Variants in GABRG3 observed in about 807,000 individuals in gnomAD.
The protein encoded by GABRG3 is gamma-aminobutyric acid receptor subunit gamma-3.
Under a neutral mutation model 48.8 loss-of-function variants are expected in GABRG3, and 25 were observed. The observed-to-expected ratio is 0.51, with a 90% confidence interval of 0.37 to 0.72. The LOEUF (loss-of-function observed/expected upper bound fraction) is 0.72, where lower values mean the gene tolerates loss of function less well. GABRG3 is among the 30% of genes least tolerant of loss of function. The pLI, the probability that GABRG3 is intolerant of heterozygous loss-of-function variation, is 0.00. For missense variants in GABRG3, 394 were observed against 577.9 expected (o/e 0.68, Z 3.26); for synonymous variants, 227 against 217.6 (o/e 1.04, Z -0.38).
chr15:27,408,555 C>T (rs1200718849), intron 5 of GABRG3, among the ~76,000 whole-genome samples: 2 of 152,102 alleles, frequency 1.3e-5, no homozygotes, highest in Admixed American at 6.5e-5. Context: ...CACAAGCAAA[C>T]CCCGGGACCA....
chr15:26,987,009 GCA>G (rs1168450728), intron 2 of GABRG3, among the ~76,000 whole-genome samples: 2 of 152,322 alleles, frequency 1.3e-5, no homozygotes, highest in South Asian at 2.1e-4. Flanking sequence ...TACAGGTAAT[GCA>G]CTTTGGAAGG....
intron 7 of GABRG3, among the ~76,000 whole-genome samples, 154 bp downstream of exon 7, chr15:27,520,278 G>A (rs1341665900): frequency 6.6e-6 from 1 of 152,144 alleles, no homozygotes; most frequent in Admixed American, 6.5e-5. Flanking sequence ...AAGAAGCCAA[G>A]CAAGGCTGTT....
chr15:27,180,061 T>A lies in GABRG3; in HGVS notation c.271-146748T>A, dbSNP rs919369736. Reference sequence around the variant, plus strand: ...TGCAGAGCCACTGCCTGATCGAACATCTCTGTGAGTCTTGGCCTTCCCCAG... The same window carrying A: ...TGCAGAGCCACTGCCTGATCGAACAACTCTGTGAGTCTTGGCCTTCCCCAG... On this transcript the variant is annotated intron_variant, in intron 3 of 9. Transcript: ENST00000615808. The surrounding 1 kb of genome is among the most constrained non-coding windows in gnomAD (Gnocchi z 4.2). 6.6e-6 allele frequency among the ~76,000 whole-genome samples: 1 copy of A among 152,190 alleles called. No homozygotes were observed. The highest frequency in any genetic ancestry group is 1.5e-5 in the Non-Finnish European group (1 of 68,036).
Position 27,326,985 on chromosome 15 carries a change from G to GC in GABRG3, c.448dup (p.Leu150ProfsTer7). The GC allele has an allele frequency of 6.2e-7, 1 of 1,613,994 alleles. No individual in the cohort carries two copies. The highest frequency in any genetic ancestry group is 8.5e-7 in the Non-Finnish European group (1 of 1,179,896). On this transcript the variant is annotated frameshift_variant, in exon 4 of 10. Transcript: ENST00000615808. LOFTEE classifies it high-confidence loss of function. ...CTCACTGGATCACCACACCCAATCAGCTCCTCCGGATTTGGAATGACGGGA... is the reference window on the plus strand; with the variant it reads ...CTCACTGGATCACCACACCCAATCAGCCTCCTCCGGATTTGGAATGACGGGA...
chr15:27,228,202 C>A (rs1889685153), intron 3 of GABRG3, among the ~76,000 whole-genome samples: 1 of 152,260 alleles, frequency 6.6e-6, no homozygotes, highest in African/African-American at 2.4e-5. Flanking sequence ...CAATAGTTGT[C>A]TTTTCTGCTC....
chr15:27,388,295 A>AAG (rs1566818371), intron 5 of GABRG3, among the ~76,000 whole-genome samples: 5 of 31,174 alleles, frequency 1.6e-4, no homozygotes, highest in African/African-American at 4.8e-4. Context: ...AAGGAAGAAA[A>AAG]GAAGGAAGGA....
intron 5 of GABRG3, among the ~76,000 whole-genome samples, chr15:27,379,282 A>G (rs533482883): frequency 1.3e-5 from 2 of 152,292 alleles, no homozygotes; most frequent in African/African-American, 4.8e-5. Context: ...AACTAATCCA[A>G]ATCCACTTTC....
intron 5 of GABRG3, among the ~76,000 whole-genome samples, chr15:27,466,806 C>G (rs746147353): frequency 1.3e-5 from 2 of 152,178 alleles, no homozygotes; most frequent in African/African-American, 2.4e-5. Context: ...CTCTCCAAGC[C>G]TCCCCACCAC....
At chr15:27,347,895 G>A (rs1473268624) in intron 5 of GABRG3, among the ~76,000 whole-genome samples, 2 of 152,086 alleles carry the variant, frequency 1.3e-5, no homozygotes, top group African/African-American at 2.4e-5. Context: ...TTCAGGGGGG[G>A]TTTCCCTGTG....
At chr15:27,265,724 G>C (rs1402419700) in intron 3 of GABRG3, among the ~76,000 whole-genome samples, 1 of 152,104 alleles carries the variant, frequency 6.6e-6, no homozygotes, top group African/African-American at 2.4e-5. Flanking sequence ...TCAGTCTGCA[G>C]CTTGCCTTTT....
intron 3 of GABRG3, among the ~76,000 whole-genome samples, chr15:27,040,424 A>T (rs1316449697): frequency 2.6e-5 from 4 of 152,184 alleles, no homozygotes; most frequent in Admixed American, 2.0e-4. Context: ...TGGGGGTTGG[A>T]TGGGGTGGGG....
chr15:27,134,709 C>T (rs1382633650), intron 3 of GABRG3, among the ~76,000 whole-genome samples: 1 of 152,214 alleles, frequency 6.6e-6, no homozygotes, highest in Non-Finnish European at 1.5e-5. Flanking sequence ...CTCCAGGAAG[C>T]CCTCCAGGGC....
chr15:27,169,605 C>T (rs1361253602), intron 3 of GABRG3, among the ~76,000 whole-genome samples: 1 of 152,202 alleles, frequency 6.6e-6, no homozygotes, highest in Non-Finnish European at 1.5e-5. Flanking sequence ...AGAGGAGCTG[C>T]AGTCGATGAC....
chr15:27,249,270 A>G (rs1418191247), intron 3 of GABRG3, among the ~76,000 whole-genome samples: 1 of 152,086 alleles, frequency 6.6e-6, no homozygotes, highest in Non-Finnish European at 1.5e-5. Flanking sequence ...CCAAAACCAG[A>G]TGACAGCTGG....
intron 5 of GABRG3, among the ~76,000 whole-genome samples, chr15:27,416,054 T>C (rs1172013473): frequency 1.3e-5 from 2 of 152,216 alleles, no homozygotes; most frequent in Non-Finnish European, 1.5e-5. Flanking sequence ...GGCACAGGCA[T>C]GTGTCTCAGG....
chr15:27,087,018 C>G (rs1200023889), intron 3 of GABRG3, among the ~76,000 whole-genome samples: 1 of 152,202 alleles, frequency 6.6e-6, no homozygotes, highest in African/African-American at 2.4e-5. Context: ...GCCCAAATCA[C>G]ATCTTTGAGT....
chr15:27,252,974 C>G (rs542458037), intron 3 of GABRG3, among the ~76,000 whole-genome samples: 1 of 152,326 alleles, frequency 6.6e-6, no homozygotes, highest in South Asian at 2.1e-4. Flanking sequence ...CAAAAAAGAG[C>G]CTTGGCCCCG....
intron 2 of GABRG3, among the ~76,000 whole-genome samples, chr15:27,020,775 G>A (rs918114057): frequency 7.6e-4 from 115 of 151,978 alleles, no homozygotes; most frequent in South Asian, 4.1e-4. Context: ...ATTTGCTCTC[G>A]CGATGTCACT....
chr15:27,170,149 A>T (rs1887516975), intron 3 of GABRG3, among the ~76,000 whole-genome samples: 1 of 152,234 alleles, frequency 6.6e-6, no homozygotes, highest in Non-Finnish European at 1.5e-5. Context: ...GCTCAGACAA[A>T]TGCAGACATG....
Sources: gnomAD v4.1 joint callset for allele counts (sites outside exome capture counted in the v4.1 genomes callset) on GRCh38, gnomAD v4.1.1 for gene constraint, Gnocchi (gnomAD v3.1) non-coding constraint, MANE v1.5 for transcripts, NCBI Gene and HGNC (gene_info 2026-07-23, HGNC 2026-07-21) for gene names.